The following AUNIP variants were observed in gnomAD, a reference collection of about 807,000 sequenced individuals.
AUNIP encodes aurora kinase A- and ninein-interacting protein.
A neutral mutation model predicts 12.2 loss-of-function variants in AUNIP; 16 were observed. That is an observed-to-expected ratio of 1.31 (90% CI 0.88 to 1.99). AUNIP has a LOEUF of 1.99. AUNIP is among the 30% of genes most tolerant of loss of function. The pLI is 0.00. For synonymous variants in AUNIP, 142 were observed against 154.8 expected (o/e 0.92, Z 0.61); for missense variants, 411 against 419.1 (o/e 0.98, Z 0.17).
Position 25,847,813 on chromosome 1 carries a change from C to T in AUNIP, c.79-10259G>A, listed in dbSNP as rs1283749520. On this transcript the variant is annotated intron_variant, in intron 1 of 2. Transcript: ENST00000374298. This position sits in a 1 kb window ranked among gnomAD's most constrained non-coding sequence, Gnocchi z 4.2. ...CAAAAAAATTAGCCAGGTACAGTGGCGCATGCCTGTGGTCCCTGCTACTTG... is the reference window on the plus strand; with the variant it reads ...CAAAAAAATTAGCCAGGTACAGTGGTGCATGCCTGTGGTCCCTGCTACTTG... Among the ~76,000 whole-genome samples the T allele has an allele frequency of 4.0e-5, 6 of 151,698 alleles. No homozygotes were observed. Among genetic ancestry groups the T allele is most frequent in the African/African-American group, 1.2e-4 (5 of 41,126 alleles).
chr1:25,855,770 G>C (rs983975359), intron 1 of AUNIP, among the ~76,000 whole-genome samples: 1 of 152,174 alleles, frequency 6.6e-6, no homozygotes, highest in African/African-American at 2.4e-5. Flanking sequence ...CTATTTGATA[G>C]CCACTCTAGG....
At chr1:25,842,571 A>C (rs183154416) in intron 1 of AUNIP, among the ~76,000 whole-genome samples, 2 of 152,394 alleles carry the variant, frequency 1.3e-5, no homozygotes, top group East Asian at 3.9e-4. Context: ...ACTGTAGACG[A>C]AATAGTCTTA....
chr1:25,845,041 C>T (rs964156512), intron 1 of AUNIP, among the ~76,000 whole-genome samples: 1 of 152,202 alleles, frequency 6.6e-6, no homozygotes, highest in African/African-American at 2.4e-5. Flanking sequence ...CTTAAGTTAG[C>T]TCTGTTGAAT....
intron 1 of AUNIP, among the ~76,000 whole-genome samples, chr1:25,850,505 T>C (rs2124511097): frequency 6.6e-6 from 1 of 152,322 alleles, no homozygotes; most frequent in Non-Finnish European, 1.5e-5. Context: ...ACTGATTCTG[T>C]AGATCAATTG....
Position 25,835,454 on chromosome 1 carries a change from T to C in AUNIP, c.613A>G (p.Lys205Glu). Residue 205 changes from lysine (K) to glutamate (E), a missense_variant, in exon 3 of 3, where the codon AAG becomes GAG. By Grantham distance (56) the Lys-to-Glu change is moderately conservative (BLOSUM62 1). Coordinates refer to ENST00000374298, the MANE Select transcript of AUNIP (RefSeq NM_024037.3). ...ARKWEWLHES[K>E]KNYQSMEKHT... Reference sequence around the variant, plus strand: ...TTCTCCATACTCTGATAGTTCTTCTTAGACTCATGAAGCCATTCCCATTTC... The same window carrying C: ...TTCTCCATACTCTGATAGTTCTTCTCAGACTCATGAAGCCATTCCCATTTC... 6.2e-7 allele frequency: 1 copy of C among 1,614,250 alleles called. No individual in the cohort carries two copies. The highest frequency in any genetic ancestry group is 1.1e-5 in the South Asian group (1 of 91,092).
chr1:25,842,856 T>C (rs1363765301), intron 1 of AUNIP, among the ~76,000 whole-genome samples: 1 of 152,188 alleles, frequency 6.6e-6, no homozygotes, highest in Non-Finnish European at 1.5e-5. Context: ...CTCTTGACTT[T>C]CTACTGCTTA....
chr1:25,835,462 T>A lies in AUNIP; in HGVS notation c.605A>T (p.His202Leu). Residue 202 changes from histidine to leucine, a missense_variant, in exon 3 of 3, where the codon CAT becomes CTT. Physicochemically the swap from His to Leu is moderately conservative, Grantham distance 99. Coordinates refer to ENST00000374298, the MANE Select transcript of AUNIP (RefSeq NM_024037.3). ...GDSARKWEWL[H>L]ESKKNYQSME... ...ACTCTGATAGTTCTTCTTAGACTCATGAAGCCATTCCCATTTCCTGGCAGA... is the reference window on the plus strand; with the variant it reads ...ACTCTGATAGTTCTTCTTAGACTCAAGAAGCCATTCCCATTTCCTGGCAGA... 1 of 1,614,246 alleles carries A rather than the reference T, an allele frequency of 6.2e-7. No homozygotes were observed. Among genetic ancestry groups the A allele is most frequent in the Non-Finnish European group, 8.5e-7 (1 of 1,180,040 alleles).
rs1390733280 is a variant in AUNIP at position 25,859,390 on chromosome 1, G to A, written c.-33C>T. 6.8e-6 allele frequency: 10 copies of A among 1,480,826 alleles called. No homozygotes were observed. The highest frequency in any genetic ancestry group is 8.0e-6 in the Non-Finnish European group (9 of 1,125,142). 91.7% of individuals were successfully genotyped at this position (1,480,826 alleles called of 1,614,324 possible). A position where few individuals can be genotyped will look rare whatever the true frequency, so the allele number is the denominator to read the frequency against. ...GAGGAGACGAAGCCGGCAGGACGCC[G>A]GCGCAGGCTCCCGGCGCCTCAGGGA... On this transcript the variant is annotated 5_prime_UTR_variant, in exon 1 of 3. Transcript: ENST00000374298.
intron 1 of AUNIP, among the ~76,000 whole-genome samples, chr1:25,849,498 A>G (rs79633811): frequency 0.019 from 2,828 of 152,240 alleles, 85 homozygotes; most frequent in African/African-American, 0.064. Flanking sequence ...GTGTCATACA[A>G]TATCTGGTCT....
In AUNIP at chr1:25,835,123, C is replaced by G; in HGVS notation, c.944G>C (p.Trp315Ser). The G allele has an allele frequency of 6.2e-7, 1 of 1,614,192 alleles. No individual in the cohort carries two copies. Residue 315 changes from tryptophan to serine, a missense_variant, in exon 3 of 3, where the codon TGG (tryptophan) becomes TCG (serine). Physicochemically the swap from Trp to Ser is radical, Grantham distance 177 (BLOSUM62 -3). Transcript: ENST00000374298. ...ACTGTTAGGAAACGGCCCTAAGTCC[C>G]AATTCCAGTTATTGGTTACATCTTG... ...PFQDVTNNWN[W>S]DLGPFPNSPW...
chr1:25,850,595 TG>T (rs2124511166), intron 1 of AUNIP, among the ~76,000 whole-genome samples: 1 of 152,368 alleles, frequency 6.6e-6, no homozygotes, highest in Admixed American at 6.5e-5. Context: ...TTTCTTTCAA[TG>T]AGTTTTATAG....
intron 1 of AUNIP, among the ~76,000 whole-genome samples, chr1:25,855,175 C>T (rs1049505950): frequency 1.3e-5 from 2 of 151,774 alleles, no homozygotes; most frequent in African/African-American, 2.4e-5. Flanking sequence ...CAGGCTTAGA[C>T]TCAGAATTCT....
intron 1 of AUNIP, among the ~76,000 whole-genome samples, chr1:25,845,459 A>C (rs536411345): frequency 6.6e-6 from 1 of 152,266 alleles, no homozygotes; most frequent in South Asian, 2.1e-4. Context: ...CCTCATTTGT[A>C]TGCCTCACAG....
intron 1 of AUNIP, among the ~76,000 whole-genome samples, chr1:25,843,304 A>G (rs2124503275): frequency 6.6e-6 from 1 of 151,664 alleles, no homozygotes. Flanking sequence ...TTCATTCTGT[A>G]GCCCATGGAT....
At position 25,843,023 on chromosome 1, in the gene AUNIP, A is replaced by G. The variant is rs146647885; in HGVS notation, c.79-5469T>C. 5.6e-3 allele frequency among the ~76,000 whole-genome samples: 851 copies of G among 152,012 alleles called. 8 individuals carry two copies. The highest frequency in any genetic ancestry group is 0.019 in the African/African-American group (780 of 41,464). ...TGGTGAGACTCCGTCTCTACAAAAAATTTAAAAATTAGCAAGGTGTGGTGA... is the reference window on the plus strand; with the variant it reads ...TGGTGAGACTCCGTCTCTACAAAAAGTTTAAAAATTAGCAAGGTGTGGTGA... On this transcript the variant is annotated intron_variant, in intron 1 of 2. Transcript: ENST00000374298.
chr1:25,849,452 T>C (rs541613444), intron 1 of AUNIP, among the ~76,000 whole-genome samples: 258 of 152,302 alleles, frequency 1.7e-3, no homozygotes, highest in African/African-American at 6.1e-3. Context: ...TCACTTACTT[T>C]CTTTTCTACA....
chr1:25,852,615 T>C (rs1005950374), intron 1 of AUNIP, among the ~76,000 whole-genome samples: 20 of 152,098 alleles, frequency 1.3e-4, no homozygotes, highest in Admixed American at 1.2e-3. Flanking sequence ...AATTTTGGTA[T>C]TTTTAGTAGA....
At chr1:25,853,850 G>A (rs1302803918) in intron 1 of AUNIP, among the ~76,000 whole-genome samples, 1 of 152,106 alleles carries the variant, frequency 6.6e-6, no homozygotes, top group Non-Finnish European at 1.5e-5. Context: ...AATCAAAAGA[G>A]GTCACAAAGC....
intron 1 of AUNIP, among the ~76,000 whole-genome samples, chr1:25,843,611 AAAAAAAAAAAAAG>A (rs1243300898): frequency 2.0e-5 from 3 of 149,920 alleles, no homozygotes; most frequent in African/African-American, 4.9e-5. Context: ...AAAAAAAAAA[AAAAAAAAAAAAAG>A]GGATTCATGA....
Sources: gnomAD v4.1 joint callset for allele counts (sites outside exome capture counted in the v4.1 genomes callset) on GRCh38, gnomAD v4.1.1 for gene constraint, Gnocchi (gnomAD v3.1) non-coding constraint, MANE v1.5 for transcripts, NCBI Gene and HGNC (gene_info 2026-07-23, HGNC 2026-07-21) for gene names.